FAT3: variants seen among roughly 807,000 people sequenced by gnomAD.
FAT3 encodes the protein FAT atypical cadherin 3.
A neutral mutation model predicts 310.2 loss-of-function variants in FAT3; 95 were observed. The observed-to-expected ratio is 0.31, with a 90% CI of 0.26 to 0.36. The LOEUF is 0.36. Ranked by LOEUF, FAT3 falls within the 10% of genes least tolerant of loss-of-function variation. FAT3 has a pLI of 1.00. For synonymous variants in FAT3, 2,314 were observed against 2,192.9 expected (o/e 1.06, Z -1.54); for missense variants, 5,408 against 5,715.6 (o/e 0.95, Z 1.74).
At chr11:92,705,736 A>G (rs1944307105) in intron 4 of FAT3, among the ~76,000 whole-genome samples, 7 of 25,928 alleles carry the variant, frequency 2.7e-4, no homozygotes, top group Admixed American at 5.4e-4. Flanking sequence ...TGATGGTGTG[A>G]TGGTGGTGGG....
At chr11:92,337,427 T>G (rs1387650168) in intron 1 of FAT3, among the ~76,000 whole-genome samples, 1 of 152,130 alleles carries the variant, frequency 6.6e-6, no homozygotes, top group South Asian at 2.1e-4. Context: ...AACAGTTTTT[T>G]TGTTTGTTTG....
intron 3 of FAT3, among the ~76,000 whole-genome samples, chr11:92,669,488 T>C (rs1456993126): frequency 6.6e-6 from 1 of 152,224 alleles, no homozygotes; most frequent in African/African-American, 2.4e-5. Context: ...TATGCAGATA[T>C]TGACAACATC....
At chr11:92,425,468 G>A (rs494422) in intron 2 of FAT3, among the ~76,000 whole-genome samples, 102,015 of 151,938 alleles carry the variant, frequency 0.67, 37,778 homozygotes, top group Non-Finnish European at 0.8. Context: ...TACATGTGCC[G>A]TGGTGGTTTG....
intron 3 of FAT3, among the ~76,000 whole-genome samples, chr11:92,625,599 C>T (rs1015762067): frequency 2.0e-5 from 3 of 152,166 alleles, no homozygotes; most frequent in African/African-American, 7.2e-5. Context: ...TTAGCAGCTA[C>T]ATACACACAG....
chr11:92,815,572 CA>C (rs200492911), intron 13 of FAT3, among the ~76,000 whole-genome samples: 1 of 149,268 alleles, frequency 6.7e-6, no homozygotes, highest in Non-Finnish European at 1.5e-5. Flanking sequence ...GACTCCATCT[CA>C]AAAAAAAACC....
At chr11:92,287,851 A>C in intron 1 of FAT3, among the ~76,000 whole-genome samples, 1 of 152,174 alleles carries the variant, frequency 6.6e-6, no homozygotes, top group East Asian at 1.9e-4. Flanking sequence ...TGCTGCTGTG[A>C]AATGATCACA....
Position 92,229,490 on chromosome 11 carries a change from G to GTTTTTTTTTTTTTTTTTTTTTTTT in FAT3, c.-18+4317_-18+4318insTTTTTTTTTTTTTTTTTTTTTTTT. ...CCTTGTTTTCTTTTTTTGTTTTTTC[G>GTTTTTTTTTTTTTTTTTTTTTTTT]TGTTTTTTTTTTTTTTGTTTTTTGT... is the stretch of plus-strand genomic sequence containing the variant. On this transcript the variant is annotated intron_variant, in intron 1 of 27. Transcript: ENST00000525166. Among the ~76,000 whole-genome samples the GTTTTTTTTTTTTTTTTTTTTTTTT allele has an allele frequency of 4.7e-4, 22 of 46,850 alleles. 4 individuals are homozygous for GTTTTTTTTTTTTTTTTTTTTTTTT. Among genetic ancestry groups the GTTTTTTTTTTTTTTTTTTTTTTTT allele is most frequent in the African/African-American group, 6.8e-4 (9 of 13,140 alleles). The allele number at this position is 46,850 out of a possible 152,430, so 30.7% of individuals were successfully genotyped here.
intron 2 of FAT3, among the ~76,000 whole-genome samples, chr11:92,524,024 G>C (rs1251157685): frequency 6.6e-6 from 1 of 152,090 alleles, no homozygotes. Context: ...GTGTTTATAT[G>C]ACCTCTTCTC....
intron 3 of FAT3, among the ~76,000 whole-genome samples, chr11:92,525,211 G>A (rs1233237746): frequency 6.6e-6 from 1 of 152,114 alleles, no homozygotes; most frequent in African/African-American, 2.4e-5. Flanking sequence ...ATAAAATGTG[G>A]TTCCCAGGCC....
intron 1 of FAT3, among the ~76,000 whole-genome samples, chr11:92,243,649 C>T (rs1024856386): frequency 3.9e-5 from 6 of 152,016 alleles, no homozygotes; most frequent in Admixed American, 3.3e-4. Flanking sequence ...TGACTCTTGT[C>T]ATCAGTGTTT....
intron 1 of FAT3, among the ~76,000 whole-genome samples, chr11:92,349,942 G>A (rs180768884): frequency 1.5e-4 from 22 of 151,498 alleles, no homozygotes; most frequent in African/African-American, 5.1e-4. Flanking sequence ...GCATGCTCAG[G>A]GTTTCACTTC....
At chr11:92,577,211 C>T (rs1012391014) in intron 3 of FAT3, among the ~76,000 whole-genome samples, 11 of 151,868 alleles carry the variant, frequency 7.2e-5, no homozygotes, top group South Asian at 2.1e-4. Flanking sequence ...TGGGTTCAAG[C>T]GATTCTCCCA....
chr11:92,270,700 A>G (rs1028076918), intron 1 of FAT3, among the ~76,000 whole-genome samples: 3 of 152,020 alleles, frequency 2.0e-5, no homozygotes, highest in Non-Finnish European at 4.4e-5. Context: ...AAATAAATAA[A>G]TAAATAAATA....
rs182335679 is a variant in FAT3 at position 92,885,113 on chromosome 11, C to T, written c.12937+1720C>T. 4.1e-4 allele frequency among the ~76,000 whole-genome samples: 63 copies of T among 152,260 alleles called. 1 individual carries two copies. The East Asian group carries it at 0.011, about 27-fold the overall frequency. Reference sequence around the variant, plus strand: ...AATAGATGTATAGTGAGCCTGATGACGAGAGGAGTCAGCATCTCAAGAGCT... The same window carrying T: ...AATAGATGTATAGTGAGCCTGATGATGAGAGGAGTCAGCATCTCAAGAGCT... On this transcript the variant is annotated intron_variant, in intron 24 of 27. Coordinates refer to ENST00000525166, the MANE Select transcript of FAT3 (RefSeq NM_001367949.2).
intron 2 of FAT3, among the ~76,000 whole-genome samples, chr11:92,376,243 G>A (rs1208798421): frequency 2.0e-5 from 3 of 152,112 alleles, no homozygotes; most frequent in Admixed American, 6.5e-5. Flanking sequence ...CTTTGCTGGG[G>A]GTGGATGGGG....
intron 1 of FAT3, among the ~76,000 whole-genome samples, chr11:92,234,357 C>T (rs1033886534): frequency 1.3e-5 from 2 of 152,094 alleles, no homozygotes; most frequent in Non-Finnish European, 2.9e-5. Flanking sequence ...TCCCTCAGTA[C>T]TGCTTTGACG....
At chr11:92,358,331 A>T (rs754422919) in intron 2 of FAT3, among the ~76,000 whole-genome samples, 26 of 152,216 alleles carry the variant, frequency 1.7e-4, no homozygotes, top group Non-Finnish European at 3.5e-4. Flanking sequence ...TTATAAGGTC[A>T]CATAGGCTTT....
At chr11:92,283,681 A>T (rs1043512992) in intron 1 of FAT3, among the ~76,000 whole-genome samples, 6 of 152,184 alleles carry the variant, frequency 3.9e-5, no homozygotes, top group Admixed American at 3.9e-4. Context: ...AGACTGGAAT[A>T]GCATGTCTTC....
rs184527199 is a variant in FAT3 at position 92,238,878 on chromosome 11, T to C, written c.-18+13704T>C. On this transcript the variant is annotated intron_variant, in intron 1 of 27. Coordinates refer to ENST00000525166, the MANE Select transcript of FAT3 (RefSeq NM_001367949.2). The stretch of plus-strand genomic sequence containing the variant: ...TCCTGCTGGTCAGTTGGTATTGAAT[T>C]GATAGTAGACTATCAAAAAAGAGTT... 6.7e-4 allele frequency among the ~76,000 whole-genome samples: 102 copies of C among 152,262 alleles called. No individual in the cohort carries two copies. In the East Asian group the frequency reaches 0.014, roughly 20 times the overall value.
Sources: gnomAD v4.1 joint callset for allele counts (sites outside exome capture counted in the v4.1 genomes callset) on GRCh38, gnomAD v4.1.1 for gene constraint, MANE v1.5 for transcripts, NCBI Gene and HGNC (gene_info 2026-07-23, HGNC 2026-07-21) for gene names.